CAPN10: variants seen among roughly 807,000 people sequenced by gnomAD.
CAPN10 encodes the protein calpain-10.
A neutral mutation model predicts 78.4 loss-of-function variants in CAPN10; 71 were observed. The observed-to-expected ratio is 0.91, with a 90% CI of 0.75 to 1.10. CAPN10 has a LOEUF of 1.10. CAPN10 is among the 50% of genes least tolerant of loss of function. The probability of loss-of-function intolerance (pLI) is 0.00; values close to 1 mark genes in which losing one functional copy is unlikely to be tolerated. For missense variants in CAPN10, 849 were observed against 924.6 expected, an observed-to-expected ratio of 0.92 and a Z score of 1.06; for synonymous variants, 437 against 407.2, an observed-to-expected ratio of 1.07 and a Z score of -0.88.
At chr2:240,589,027 T>C (rs2093085097) in intron 1 of CAPN10, among the ~76,000 whole-genome samples, 1 of 152,058 alleles carries the variant, frequency 6.6e-6, no homozygotes, top group Non-Finnish European at 1.5e-5. Flanking sequence ...GGAGGACACA[T>C]TTGAGATTTA....
intron 10 of CAPN10, 59 bp from the exon 11 acceptor site, chr2:240,598,293 A>G: frequency 6.3e-7 from 1 of 1,585,652 alleles, no homozygotes; most frequent in Admixed American, 1.7e-5. Context: ...GGCCAGGAGC[A>G]CACAGCCACT....
At chr2:240,594,382 G>A (rs908339930) in intron 5 of CAPN10, 161 bp from the exon 6 acceptor site, 6 of 748,390 alleles carry the variant, frequency 8.0e-6, no homozygotes, top group African/African-American at 1.7e-5. Flanking sequence ...CTGTGCTGCA[G>A]AGCTGCTTCG....
Position 240,595,097 on chromosome 2 carries a change from C to T in CAPN10, c.1071C>T (p.Asn357=). ...VKGQSAGGCR[N]NSGFPSNPKF... ...GCCAGTCAGCAGGAGGCTGCCGGAA[C>T]AACAGCGGCTTTCCCAGCAACCCCA... The change falls in exon 7 of 12, where the codon AAC becomes AAT. Residue 357 remains asparagine (N), a synonymous_variant. Transcript: ENST00000391984. 6.2e-7 allele frequency: 1 copy of T among 1,613,872 alleles called. No homozygotes were observed. Among genetic ancestry groups the T allele is most frequent in the Non-Finnish European group, 8.5e-7 (1 of 1,180,024 alleles).
chr2:240,593,070 G>T (rs929450657), intron 4 of CAPN10, among the ~76,000 whole-genome samples: 2 of 152,234 alleles, frequency 1.3e-5, no homozygotes, highest in Non-Finnish European at 2.9e-5. Context: ...TGTACTCCCC[G>T]CCAGCCCCGC....
In CAPN10 at chr2:240,596,712, C is replaced by T. The variant is rs763737919; in HGVS notation, c.1513C>T (p.Pro505Ser). 5 of 1,570,896 alleles carry T rather than the reference C, an allele frequency of 3.2e-6. No individual in the cohort carries two copies. The highest frequency in any genetic ancestry group is 1.4e-5 in the African/African-American group (1 of 74,026). ...CAGGGCAGTGGCCAAGAACACCACCCCCGGGGCAGCCCTGCCTGCGGGGGA... is the reference window on the plus strand; with the variant it reads ...CAGGGCAGTGGCCAAGAACACCACCTCCGGGGCAGCCCTGCCTGCGGGGGA... Reference protein sequence around the residue: ...AIRAVAKNTTPGAALPAGEWG... With the variant: ...AIRAVAKNTTSGAALPAGEWG... Residue 505 changes from proline (P) to serine (S), a missense_variant, in exon 9 of 12, where the codon CCC becomes TCC. Coordinates refer to ENST00000391984, the MANE Select transcript of CAPN10 (RefSeq NM_023083.4).
chr2:240,596,331 C>A lies in CAPN10; in HGVS notation c.1291C>A (p.Arg431=). Residue 431 remains arginine (R), a synonymous_variant, in exon 8 of 12, where the codon CGG becomes AGG. Coordinates refer to ENST00000391984, the MANE Select transcript of CAPN10 (RefSeq NM_023083.4). The part of the protein sequence containing the change: ...GLHLWKVEKR[R]VNLPRVLSMP... Reference sequence around the variant, plus strand: ...CACGTGCTCACAGGTAGAGAAGCGGCGGGTCAATCTGCCTAGGGTCCTGTC... The same window carrying A: ...CACGTGCTCACAGGTAGAGAAGCGGAGGGTCAATCTGCCTAGGGTCCTGTC... The A allele has an allele frequency of 6.3e-7, 1 of 1,599,462 alleles. No individual in the cohort carries two copies. The highest frequency in any genetic ancestry group is 1.1e-5 in the South Asian group (1 of 90,650).
At chr2:240,589,662 G>C (rs12620571) in intron 2 of CAPN10, 188 bp downstream of exon 2, 8 of 757,546 alleles carry the variant, frequency 1.1e-5, no homozygotes, top group Non-Finnish European at 1.4e-5. Flanking sequence ...TGCTGCAGGG[G>C]GGGGTGCCTT....
In CAPN10 at chr2:240,596,835, T is replaced by C; in HGVS notation, c.1636T>C (p.Phe546Leu). 6.2e-7 allele frequency: 1 copy of C among 1,613,472 alleles called. No homozygotes were observed. ...ATACCCCACCAACCCCTGCTTCCCC[T>C]TCTCGGTCCCCGAGGGCCCTGGCCC... ...ASYPTNPCFP[F>L]SVPEGPGPRC... is the part of the protein sequence containing the mutation. Residue 546 changes from phenylalanine (F) to leucine (L), a missense_variant, in exon 9 of 12, where the codon TTC (phenylalanine) becomes CTC (leucine). By Grantham distance (22) the Phe-to-Leu change is conservative (BLOSUM62 0). Coordinates refer to ENST00000391984, the MANE Select transcript of CAPN10 (RefSeq NM_023083.4).
In CAPN10 at chr2:240,598,509, G is replaced by T. The variant is rs1575453887; in HGVS notation, c.1989+112G>T. 6 of 1,463,500 alleles carry T rather than the reference G, an allele frequency of 4.1e-6. No individual in the cohort carries two copies. The East Asian group carries it at 1.4e-4, about 34-fold the overall frequency. 90.7% of individuals were successfully genotyped at this position (1,463,500 alleles called of 1,614,324 possible). The stretch of plus-strand genomic sequence containing the variant: ...TCTGCCTGGGACGTGAGGTGCCCTT[G>T]ACTCTTCCTGTGAGAGCCCCGGGCG... On this transcript the variant is annotated intron_variant, in intron 11 of 11. Transcript: ENST00000391984.
intron 6 of CAPN10, 80 bp from the exon 7 acceptor site, chr2:240,594,944 C>T: frequency 6.8e-7 from 1 of 1,478,758 alleles, no homozygotes; most frequent in Non-Finnish European, 9.3e-7. Flanking sequence ...TTAGACCCTG[C>T]CAGGGTTCAT....
chr2:240,597,018 C>T, intron 9 of CAPN10, 76 bp downstream of exon 9: 1 of 1,566,132 alleles, frequency 6.4e-7, no homozygotes, highest in Non-Finnish European at 8.8e-7. Flanking sequence ...CTCCATTGTC[C>T]CAACAGAGGG....
At chr2:240,592,219 T>C in intron 4 of CAPN10, 69 bp downstream of exon 4, 1 of 1,329,986 alleles carries the variant, frequency 7.5e-7, no homozygotes, top group Non-Finnish European at 1.1e-6. Flanking sequence ...TCAGGCACAC[T>C]GTAGCTTTTT....
chr2:240,595,410 A>C (rs1163963303), intron 7 of CAPN10, 106 bp downstream of exon 7: 2 of 1,237,978 alleles, frequency 1.6e-6, no homozygotes, highest in Non-Finnish European at 2.2e-6. Flanking sequence ...TGACTCTGCC[A>C]CGGGCCCCAC....
At position 240,595,042 on chromosome 2, in the gene CAPN10, C is replaced by G; in HGVS notation, c.1016C>G (p.Thr339Arg). 1.2e-6 allele frequency: 2 copies of G among 1,613,140 alleles called. No homozygotes were observed. Among genetic ancestry groups the G allele is most frequent in the Non-Finnish European group, 1.7e-6 (2 of 1,180,008 alleles). ...TCACTAGAGAGGCTGCTCTGCCATA[C>G]GCGGGCGCTGCCTGGGGCCTGGGTC... is the stretch of plus-strand genomic sequence containing the variant. ...SLYTERLLCH[T>R]RALPGAWVKG... The change falls in exon 7 of 12, where the codon ACG (threonine) becomes AGG (arginine). Residue 339 changes from threonine to arginine, a missense_variant. Coordinates refer to ENST00000391984, the MANE Select transcript of CAPN10 (RefSeq NM_023083.4).
At chr2:240,592,341 G>T in intron 4 of CAPN10, 191 bp downstream of exon 4, 1 of 672,968 alleles carries the variant, frequency 1.5e-6, no homozygotes, top group South Asian at 1.7e-5. Flanking sequence ...CCAGAGGGAC[G>T]TGGCCCTTCT....
chr2:240,597,755 G>A, intron 9 of CAPN10, 133 bp from the exon 10 acceptor site: 1 of 828,812 alleles, frequency 1.2e-6, no homozygotes, highest in South Asian at 1.8e-5. Flanking sequence ...CCAGTGTCCA[G>A]GCCTGGCAGC....
At chr2:240,590,448 A>C (rs1479476990) in intron 2 of CAPN10, 1 of 191,456 alleles carries the variant, frequency 5.2e-6, no homozygotes, top group Non-Finnish European at 1.1e-5. Context: ...TGAGGGCAGC[A>C]GAGTGTGTCC....
At chr2:240,597,228 G>A (rs1274652617) in intron 9 of CAPN10, among the ~76,000 whole-genome samples, 1 of 152,226 alleles carries the variant, frequency 6.6e-6, no homozygotes, top group Non-Finnish European at 1.5e-5. Context: ...GAAGGGAGAA[G>A]TTTGGAGAGG....
chr2:240,594,171 C>A, intron 5 of CAPN10, 124 bp downstream of exon 5: 1 of 1,049,900 alleles, frequency 9.5e-7, no homozygotes, highest in Non-Finnish European at 1.3e-6. Context: ...GCCCCTGAGT[C>A]CCTGCTCTCG....
Sources: allele counts gnomAD v4.1 joint callset (sites outside exome capture counted in the v4.1 genomes callset), GRCh38; gene constraint gnomAD v4.1.1; transcripts MANE v1.5; gene names NCBI Gene and HGNC (gene_info 2026-07-23, HGNC 2026-07-21).